ZNF532: variants seen among roughly 807,000 people sequenced by gnomAD.
ZNF532 encodes zinc finger protein 532.
ZNF532 carries 22 observed loss-of-function variants against 89.3 expected under a neutral mutation model. The ratio of observed to expected loss-of-function variants is 0.25; its 90% CI spans 0.18 to 0.35. The LOEUF is 0.35. Among genes scored for constraint, ZNF532 ranks in the 10% least tolerant of loss-of-function variants. The probability of loss-of-function intolerance (pLI) is 1.00; values close to 1 mark genes in which losing one functional copy is unlikely to be tolerated. For missense variants in ZNF532, 1,132 were observed against 1,643.4 expected, an observed-to-expected ratio of 0.69 and a Z score of 5.38; for synonymous variants, 606 against 649.6, an observed-to-expected ratio of 0.93 and a Z score of 1.02.
chr18:58,868,663 C>T (rs2056700228), intron 2 of ZNF532, among the ~76,000 whole-genome samples: 1 of 152,210 alleles, frequency 6.6e-6, no homozygotes. Context: ...GGATGTACCA[C>T]AGTTTATTCA....
rs956776533 is a variant in ZNF532 at position 58,982,943 on chromosome 18, C to G, written c.3412-1029C>G. Among the ~76,000 whole-genome samples the G allele has an allele frequency of 2.0e-5, 3 of 152,142 alleles. No homozygotes were observed. In the South Asian group the frequency reaches 6.2e-4, roughly 32 times the overall value. On this transcript the variant is annotated intron_variant, in intron 9 of 9. Transcript: ENST00000591808. ...CCTGGCCAATATGGTGAAACCCTGT[C>G]TCTACTAAAAATACAAAAATTAGCT...
intron 9 of ZNF532, among the ~76,000 whole-genome samples, chr18:58,982,984 C>T (rs1168647198): frequency 6.6e-6 from 1 of 152,070 alleles, no homozygotes; most frequent in Non-Finnish European, 1.5e-5. Flanking sequence ...TCGTGGTGCA[C>T]ACGTATAGTC....
chr18:58,897,699 T>A (rs1336323976), intron 2 of ZNF532, among the ~76,000 whole-genome samples: 1 of 152,222 alleles, frequency 6.6e-6, no homozygotes, highest in East Asian at 1.9e-4. Flanking sequence ...ACACCTGTAA[T>A]CCCAGCACTT....
intron 2 of ZNF532, among the ~76,000 whole-genome samples, chr18:58,898,078 A>G (rs889795924): frequency 7.2e-5 from 11 of 152,258 alleles, no homozygotes; most frequent in African/African-American, 2.7e-4. Context: ...ACTTTACATC[A>G]TAATTCCCTT....
In ZNF532 at chr18:58,984,515, G is replaced by C; in HGVS notation, c.*49G>C. 3 of 1,562,170 alleles carry C rather than the reference G, an allele frequency of 1.9e-6. No homozygotes were observed. Among genetic ancestry groups the C allele is most frequent in the Non-Finnish European group, 2.6e-6 (3 of 1,156,866 alleles). ...TCCCTGTCCACATTGGAATAAAAAA[G>C]ACATTTTTGTTACAAAGTTTGCAGT... On this transcript the variant is annotated 3_prime_UTR_variant, in exon 10 of 10. Transcript: ENST00000591808.
intron 9 of ZNF532, among the ~76,000 whole-genome samples, chr18:58,982,237 G>C (rs1186914352): frequency 6.6e-6 from 1 of 152,144 alleles, no homozygotes; most frequent in Non-Finnish European, 1.5e-5. Context: ...CCAGGAGGCA[G>C]AGGTTGCAGT....
chr18:58,975,363 T>G (rs1313332403), intron 7 of ZNF532, among the ~76,000 whole-genome samples: 2 of 152,184 alleles, frequency 1.3e-5, no homozygotes, highest in Non-Finnish European at 2.9e-5. Flanking sequence ...GTGGATGCCT[T>G]GCCAGATCTG....
intron 2 of ZNF532, among the ~76,000 whole-genome samples, chr18:58,867,877 T>C (rs983876660): frequency 1.9e-4 from 29 of 152,240 alleles, no homozygotes; most frequent in African/African-American, 7.0e-4. Flanking sequence ...GCTCTCTTTT[T>C]CTTCTGTTCT....
chr18:58,912,756 G>A (rs1316282495), intron 2 of ZNF532, among the ~76,000 whole-genome samples: 1 of 152,122 alleles, frequency 6.6e-6, no homozygotes, highest in Non-Finnish European at 1.5e-5. Flanking sequence ...TTTCATAACT[G>A]CTTATTTTTC....
intron 2 of ZNF532, among the ~76,000 whole-genome samples, chr18:58,869,045 A>T (rs1191131644): frequency 6.6e-6 from 1 of 152,218 alleles, no homozygotes; most frequent in Non-Finnish European, 1.5e-5. Flanking sequence ...TGACCAATCT[A>T]AACACATAAA....
At chr18:58,975,167 T>A (rs1163751913) in intron 7 of ZNF532, among the ~76,000 whole-genome samples, 2 of 152,178 alleles carry the variant, frequency 1.3e-5, no homozygotes, top group South Asian at 4.1e-4. Context: ...TGGCTTGGTT[T>A]TTCCTTTTTC....
At chr18:58,962,225 A>T (rs2851707) in intron 7 of ZNF532, among the ~76,000 whole-genome samples, 2 of 130,872 alleles carry the variant, frequency 1.5e-5, no homozygotes, top group African/African-American at 7.0e-5. Context: ...GACTCTGTCT[A>T]AAAAAAAAAA....
chr18:58,947,110 C>G (rs1014743210), intron 5 of ZNF532, among the ~76,000 whole-genome samples: 2 of 152,188 alleles, frequency 1.3e-5, no homozygotes, highest in Non-Finnish European at 2.9e-5. Flanking sequence ...TCTTTGTGCC[C>G]ATTCTCACAG....
rs1479464795 is a variant in ZNF532, at chr18:58,895,684, C to CTGGGCTT, written c.-17-22587_-17-22586insTGGGCTT. On this transcript the variant is annotated intron_variant, in intron 2 of 9. Coordinates refer to ENST00000591808, the MANE Select transcript of ZNF532 (RefSeq NM_001375912.1). The stretch of plus-strand genomic sequence containing the variant: ...TATCCCAGTGGGAGGATCTAAGTCA[C>CTGGGCTT]AGAAATGGGCAAAGGCTAAAAATCG... Among the ~76,000 whole-genome samples the CTGGGCTT allele has an allele frequency of 1.1e-4, 16 of 152,266 alleles. No homozygotes were observed. The East Asian group carries it at 3.1e-3, about 29-fold the overall frequency.
chr18:58,900,949 A>T (rs1182024541), intron 2 of ZNF532, among the ~76,000 whole-genome samples: 2 of 152,102 alleles, frequency 1.3e-5, no homozygotes, highest in Non-Finnish European at 2.9e-5. Context: ...AAAAAAAAAT[A>T]CTTTTAATGC....
intron 3 of ZNF532, among the ~76,000 whole-genome samples, chr18:58,927,763 T>C (rs761418719): frequency 6.6e-6 from 1 of 152,150 alleles, no homozygotes; most frequent in Non-Finnish European, 1.5e-5. Flanking sequence ...CAAGGAGAGA[T>C]TGTGTAATTG....
At chr18:58,904,988 C>T (rs998135522) in intron 2 of ZNF532, among the ~76,000 whole-genome samples, 2 of 151,814 alleles carry the variant, frequency 1.3e-5, no homozygotes, top group Non-Finnish European at 2.9e-5. Flanking sequence ...ACTACAGGTG[C>T]GTGACACCAT....
chr18:58,976,096 A>G lies in ZNF532; in HGVS notation c.3151-2959A>G, dbSNP rs142861058. On this transcript the variant is annotated intron_variant, in intron 7 of 9. Transcript: ENST00000591808. ...TAAGTTTGTATTTAAAATCTAACAG[A>G]GGAAGAAAGTTGTCTGTTAGGTAAT... is the stretch of plus-strand genomic sequence containing the variant. Among the ~76,000 whole-genome samples the G allele has an allele frequency of 3.4e-3, 520 of 152,366 alleles. 5 individuals carry two copies. Among genetic ancestry groups the G allele is most frequent in the African/African-American group, 0.012 (487 of 41,582 alleles).
chr18:58,979,096 C>G lies in ZNF532; in HGVS notation c.3192C>G (p.Phe1064Leu). The G allele has an allele frequency of 6.2e-7, 1 of 1,613,256 alleles. No individual in the cohort carries two copies. The highest frequency in any genetic ancestry group is 2.2e-5 in the East Asian group (1 of 44,874). ...CCTGCCGCCAGTGTGACAAGTCTTT[C>G]AGCTCGTCCCACAGCCTGTGCCGGC... The part of the protein sequence containing the change: ...KHPCRQCDKS[F>L]SSSHSLCRHN... The change falls in exon 8 of 10, where the codon TTC (phenylalanine) becomes TTG (leucine). Residue 1064 changes from phenylalanine (F) to leucine (L), a missense_variant. Transcript: ENST00000591808.
Sources: allele counts gnomAD v4.1 joint callset (sites outside exome capture counted in the v4.1 genomes callset), GRCh38; gene constraint gnomAD v4.1.1; transcripts MANE v1.5; gene names NCBI Gene and HGNC (gene_info 2026-07-23, HGNC 2026-07-21).